Variants in RNF145 observed in about 807,000 individuals in gnomAD.
The protein encoded by RNF145 is ring finger protein 145.
In RNF145, 12 loss-of-function variants were observed where a neutral mutation model predicts 57.3. The observed-to-expected ratio is 0.21, with a 90% CI of 0.13 to 0.34. The LOEUF (loss-of-function observed/expected upper bound fraction) is 0.34. RNF145 is among the 10% of genes least tolerant of loss of function. The pLI is 1.00. For missense variants in RNF145, 429 were observed against 799.0 expected (o/e 0.54, Z 5.58); for synonymous variants, 262 against 288.3 (o/e 0.91, Z 0.92).
chr5:159,208,091 C>T, intron 1 of RNF145: 1 of 1,471,556 alleles, frequency 6.8e-7, no homozygotes, highest in Non-Finnish European at 8.9e-7. Flanking sequence ...GATGCCTGCT[C>T]ACTGCACAGG....
At chr5:159,173,542 G>GTTTC (rs1218226283) in intron 6 of RNF145, among the ~76,000 whole-genome samples, 1 of 152,088 alleles carries the variant, frequency 6.6e-6, no homozygotes, top group Non-Finnish European at 1.5e-5. Flanking sequence ...TCCTGGTACA[G>GTTTC]TTTCTTCAGC....
At chr5:159,209,746 C>A (rs200848221), upstream of RNF145, 1 of 1,183,982 alleles carries the variant, frequency 8.4e-7, no homozygotes, top group South Asian at 1.3e-5. Context: ...TATGGAGAGG[C>A]GTACTGCAGA....
intron 3 of RNF145, among the ~76,000 whole-genome samples, chr5:159,188,025 A>G (rs1464566523): frequency 1.8e-4 from 27 of 152,188 alleles, no homozygotes; most frequent in Non-Finnish European, 1.5e-5. Flanking sequence ...TGGGCTCTTA[A>G]TTCAAGTCAC....
At chr5:159,166,107 C>G (rs944488491) in intron 8 of RNF145, among the ~76,000 whole-genome samples, 4 of 152,082 alleles carry the variant, frequency 2.6e-5, no homozygotes, top group Admixed American at 1.3e-4. Context: ...TTTTTCCCTC[C>G]CCTTTCTATC....
At chr5:159,204,394 G>A (rs983774332) in intron 1 of RNF145, among the ~76,000 whole-genome samples, 1 of 151,862 alleles carries the variant, frequency 6.6e-6, no homozygotes, top group Non-Finnish European at 1.5e-5. Context: ...AGTGGGGGGG[G>A]GCAGGGGGAG....
chr5:159,169,208 T>C (rs1784471970), intron 7 of RNF145, among the ~76,000 whole-genome samples, 153 bp from the exon 8 acceptor site: 1 of 152,236 alleles, frequency 6.6e-6, no homozygotes, highest in African/African-American at 2.4e-5. Context: ...TATATTAACT[T>C]TGTAACATTA....
intron 8 of RNF145, among the ~76,000 whole-genome samples, chr5:159,165,184 C>G (rs143939546): frequency 1.8e-3 from 280 of 152,288 alleles, no homozygotes; most frequent in African/African-American, 6.4e-3. Context: ...TTCCCACATA[C>G]AGGTGAAGGC....
chr5:159,192,133 A>G (rs1785310841), intron 3 of RNF145, among the ~76,000 whole-genome samples: 1 of 152,134 alleles, frequency 6.6e-6, no homozygotes, highest in South Asian at 2.1e-4. Context: ...TATAAAAACT[A>G]TTTACATAGC....
At chr5:159,207,427 AC>A (rs1785931482) in intron 1 of RNF145, 1 of 1,217,934 alleles carries the variant, frequency 8.2e-7, no homozygotes, top group East Asian at 2.5e-5. Flanking sequence ...TCAGTACAAT[AC>A]TTCTACACCT....
intron 4 of RNF145, among the ~76,000 whole-genome samples, chr5:159,180,956 G>A (rs1441642392): frequency 2.6e-5 from 4 of 151,874 alleles, no homozygotes; most frequent in African/African-American, 9.7e-5. Context: ...GGTGGGTGAA[G>A]GATAAAAGAC....
intron 3 of RNF145, among the ~76,000 whole-genome samples, chr5:159,182,713 C>T (rs1416199049): frequency 1.3e-5 from 2 of 152,024 alleles, no homozygotes; most frequent in African/African-American, 2.4e-5. Context: ...TAAGTAATAA[C>T]CAGAGCCTTT....
rs192405513 is a variant in RNF145, at chr5:159,157,425, A to G, written c.*1245T>C. On this transcript the variant is annotated 3_prime_UTR_variant, in exon 11 of 11. Transcript: ENST00000424310. ...AAAACATAATTATCTTCAAATTTAAATTTATTAAGACATTCAGCTATGTCT... is the reference window on the plus strand; with the variant it reads ...AAAACATAATTATCTTCAAATTTAAGTTTATTAAGACATTCAGCTATGTCT... 1.2e-4 allele frequency: 19 copies of G among 152,820 alleles called. No homozygotes were observed. Among genetic ancestry groups the G allele is most frequent in the African/African-American group, 4.6e-4 (19 of 41,576 alleles). The allele number at this position is 152,820 out of a possible 1,614,324, so 9.5% of individuals were successfully genotyped here. A position where few individuals can be genotyped will look rare whatever the true frequency, so the allele number is the denominator to read the frequency against.
intron 8 of RNF145, among the ~76,000 whole-genome samples, chr5:159,166,413 A>T (rs989451336): frequency 2.0e-5 from 3 of 152,200 alleles, no homozygotes; most frequent in Non-Finnish European, 4.4e-5. Flanking sequence ...AGTCAATCTC[A>T]GTCTTCCACA....
intron 6 of RNF145, 25 bp from the exon 7 acceptor site, chr5:159,169,844 A>C: frequency 1.3e-6 from 2 of 1,572,058 alleles, no homozygotes; most frequent in Non-Finnish European, 1.7e-6. Context: ...GGGGAAATTA[A>C]CAGACATAAA....
intron 2 of RNF145, 96 bp downstream of exon 2, chr5:159,203,338 T>C: frequency 2.1e-5 from 17 of 819,762 alleles, no homozygotes; most frequent in Non-Finnish European, 3.5e-5. Context: ...ATCATCTTAA[T>C]GAAAATGAAC....
At chr5:159,175,517 G>T (rs1784693192) in intron 5 of RNF145, among the ~76,000 whole-genome samples, 1 of 152,028 alleles carries the variant, frequency 6.6e-6, no homozygotes, top group Non-Finnish European at 1.5e-5. Flanking sequence ...TACAAACAAA[G>T]ATAACCCTCA....
intron 1 of RNF145, chr5:159,207,752 T>C: frequency 6.2e-7 from 1 of 1,614,182 alleles, no homozygotes; most frequent in South Asian, 1.1e-5. Context: ...ACTTTGTATG[T>C]ACCTGATCTC....
At position 159,188,559 on chromosome 5, in the gene RNF145, C is replaced by T. The variant is rs887447058; in HGVS notation, c.293+6157G>A. On this transcript the variant is annotated intron_variant, in intron 3 of 10. Coordinates refer to ENST00000424310, the MANE Select transcript of RNF145 (RefSeq NM_001199383.2). ...CTTAGTTTTGGATAGTCTCAATTTT[C>T]TATACGGATTAGCACTAGAAAAATA... Among the ~76,000 whole-genome samples the T allele has an allele frequency of 2.0e-5, 3 of 152,198 alleles. No individual in the cohort carries two copies. The East Asian group carries it at 5.8e-4, about 29-fold the overall frequency.
At chr5:159,206,828 C>G (rs1394353952) in intron 1 of RNF145, among the ~76,000 whole-genome samples, 1 of 152,064 alleles carries the variant, frequency 6.6e-6, no homozygotes, top group African/African-American at 2.4e-5. Flanking sequence ...ATCTTCCATG[C>G]AAGATTTTAA....
Sources: gnomAD v4.1 joint callset for allele counts (sites outside exome capture counted in the v4.1 genomes callset) on GRCh38, gnomAD v4.1.1 for gene constraint, MANE v1.5 for transcripts, NCBI Gene and HGNC (gene_info 2026-07-23, HGNC 2026-07-21) for gene names.